The following ERBIN variants were observed in gnomAD, a reference collection of about 807,000 sequenced individuals.
ERBIN encodes the protein erbb2 interacting protein.
ERBIN carries 60 observed loss-of-function variants against 158.4 expected under a neutral mutation model. The ratio of observed to expected loss-of-function variants is 0.38; its 90% CI spans 0.31 to 0.47. ERBIN has a LOEUF of 0.47. Ranked by LOEUF, ERBIN falls within the 20% of genes least tolerant of loss-of-function variation. The pLI, the probability that ERBIN is intolerant of heterozygous loss-of-function variation, is 0.99. For missense variants in ERBIN, 1,610 were observed against 1,648.0 expected (o/e 0.98, Z 0.40); for synonymous variants, 594 against 557.2 (o/e 1.07, Z -0.93).
chr5:66,054,999 T>C (rs1426867275), intron 21 of ERBIN, 48 bp downstream of exon 21: 2 of 1,485,112 alleles, frequency 1.3e-6, no homozygotes, highest in South Asian at 1.4e-5. Flanking sequence ...ACTTAATTAT[T>C]TTCCTTAAAA....
intron 8 of ERBIN, 23 bp from the exon 9 acceptor site, chr5:66,023,267 A>G (rs1326245351): frequency 1.3e-6 from 2 of 1,578,302 alleles, no homozygotes; most frequent in Non-Finnish European, 8.7e-7. Context: ...AATTACTGCT[A>G]TCCCCTACCC....
At chr5:65,976,457 A>G (rs1452008695) in intron 1 of ERBIN, among the ~76,000 whole-genome samples, 1 of 152,082 alleles carries the variant, frequency 6.6e-6, no homozygotes, top group Non-Finnish European at 1.5e-5. Flanking sequence ...TGGGTGACAG[A>G]ATGAGACTGT....
rs565947820 is a variant in ERBIN, at chr5:66,078,566, A to G, written c.*36A>G. On this transcript the variant is annotated 3_prime_UTR_variant, in exon 26 of 26. Coordinates refer to ENST00000284037, the MANE Select transcript of ERBIN (RefSeq NM_001253697.2). ...CAAAAAAAGCGGGGAAGACAGCAAGATTTATTGGAAGATACTTACAGGGGA... is the reference window on the plus strand; with the variant it reads ...CAAAAAAAGCGGGGAAGACAGCAAGGTTTATTGGAAGATACTTACAGGGGA... 3.0e-5 allele frequency: 37 copies of G among 1,228,706 alleles called. 1 individual carries two copies. In the South Asian group the frequency reaches 4.3e-4, roughly 14 times the overall value. The allele number at this position is 1,228,706 out of a possible 1,614,324, so 76.1% of individuals were successfully genotyped here.
At chr5:65,964,207 C>G (rs566087737) in intron 1 of ERBIN, among the ~76,000 whole-genome samples, 2 of 152,322 alleles carry the variant, frequency 1.3e-5, no homozygotes, top group Admixed American at 1.3e-4. Context: ...TGAAATATAA[C>G]TAATTAAGCA....
intron 1 of ERBIN, among the ~76,000 whole-genome samples, chr5:65,953,208 C>T (rs1461071859): frequency 6.6e-6 from 1 of 152,182 alleles, no homozygotes; most frequent in Non-Finnish European, 1.5e-5. Context: ...CCTCTGCATA[C>T]AGTTGACTCT....
At position 65,972,936 on chromosome 5, in the gene ERBIN, A is replaced by G. The variant is rs1015383324; in HGVS notation, c.-57-15699A>G. ...AACCTGACCTCTCATTGTTTTGCCA[A>G]TTCCTACGTTTTTTTCGGTTTCCTT... On this transcript the variant is annotated intron_variant, in intron 1 of 25. Transcript: ENST00000284037. Among the ~76,000 whole-genome samples the G allele has an allele frequency of 2.0e-5, 3 of 151,396 alleles. 1 individual carries two copies. The highest frequency in any genetic ancestry group is 7.4e-5 in the African/African-American group (3 of 40,724).
intron 4 of ERBIN, among the ~76,000 whole-genome samples, chr5:66,005,633 T>G (rs1753502513): frequency 6.6e-6 from 1 of 152,186 alleles, no homozygotes; most frequent in Admixed American, 6.5e-5. Flanking sequence ...ATGACATGAT[T>G]GTATATCTGG....
intron 21 of ERBIN, among the ~76,000 whole-genome samples, chr5:66,056,865 T>C (rs980875116): frequency 7.9e-5 from 12 of 152,144 alleles, no homozygotes; most frequent in Admixed American, 2.6e-4. Flanking sequence ...AGCTCATCAG[T>C]TGGGAAGCAT....
At chr5:66,044,411 C>A in intron 17 of ERBIN, 101 bp downstream of exon 17, 1 of 1,044,196 alleles carries the variant, frequency 9.6e-7, no homozygotes, top group Non-Finnish European at 1.4e-6. Context: ...AATGTGCAGT[C>A]ATGCACCACA....
At chr5:65,953,423 C>T (rs1232061300) in intron 1 of ERBIN, among the ~76,000 whole-genome samples, 1 of 152,124 alleles carries the variant, frequency 6.6e-6, no homozygotes, top group Non-Finnish European at 1.5e-5. Context: ...AGACTCCTTG[C>T]TTCATGGGGA....
intron 1 of ERBIN, among the ~76,000 whole-genome samples, chr5:65,950,715 A>G (rs991541045): frequency 6.6e-6 from 1 of 152,110 alleles, no homozygotes; most frequent in African/African-American, 2.4e-5. Flanking sequence ...AAACCACCAT[A>G]TAGATATTTT....
chr5:66,009,061 AC>A (rs1753920753), intron 4 of ERBIN, among the ~76,000 whole-genome samples: 1 of 152,178 alleles, frequency 6.6e-6, no homozygotes, highest in Admixed American at 6.5e-5. Flanking sequence ...CCCTCTGCTT[AC>A]TCTGTAACTC....
chr5:65,967,816 A>T (rs1266939113), intron 1 of ERBIN, among the ~76,000 whole-genome samples: 1 of 152,246 alleles, frequency 6.6e-6, no homozygotes, highest in Non-Finnish European at 1.5e-5. Context: ...TCTGGGGCTC[A>T]TCTTGGCTTA....
rs548122645 is a variant in ERBIN, at chr5:66,079,558, C to T, written c.*1028C>T. 1 of 152,592 alleles carries T rather than the reference C, an allele frequency of 6.6e-6. No individual in the cohort carries two copies. Among genetic ancestry groups the T allele is most frequent in the South Asian group, 2.1e-4 (1 of 4,828 alleles). The allele number at this position is 152,592 out of a possible 1,614,324, so 9.5% of individuals were successfully genotyped here. A position where few individuals can be genotyped will look rare whatever the true frequency, so the allele number is the denominator to read the frequency against. On this transcript the variant is annotated 3_prime_UTR_variant, in exon 26 of 26. Coordinates refer to ENST00000284037, the MANE Select transcript of ERBIN (RefSeq NM_001253697.2). ...AAAGCCTCTTTGATTTTTGTTTGGC[C>T]TTGCATTGCCTTGGTAAAGTAAAAG...
chr5:66,072,308 A>G lies in ERBIN; in HGVS notation c.3756+17A>G. The G allele has an allele frequency of 6.5e-7, 1 of 1,549,448 alleles. No individual in the cohort carries two copies. The highest frequency in any genetic ancestry group is 1.4e-5 in the African/African-American group (1 of 73,108). ...TTGATGAAAGTGGGTGCTCGGGAAA[A>G]CAAAATGTAGTATCTGTGAGCTTTC... is the stretch of plus-strand genomic sequence containing the variant. On this transcript the variant is annotated intron_variant, in intron 22 of 25. Transcript: ENST00000284037.
intron 4 of ERBIN, among the ~76,000 whole-genome samples, chr5:66,005,622 G>C (rs1010169488): frequency 3.3e-5 from 5 of 152,172 alleles, no homozygotes; most frequent in South Asian, 2.1e-4. Flanking sequence ...CCTGTTTGCA[G>C]ATGACATGAT....
At chr5:66,038,521 T>TA (rs772409782) in intron 15 of ERBIN, 39 bp downstream of exon 15, 5 of 1,464,752 alleles carry the variant, frequency 3.4e-6, no homozygotes, top group Non-Finnish European at 4.7e-6. Context: ...TAAAAACAAA[T>TA]ACTAATTTAA....
chr5:65,942,236 C>G (rs1745143885), intron 1 of ERBIN, among the ~76,000 whole-genome samples: 2 of 152,166 alleles, frequency 1.3e-5, no homozygotes, highest in African/African-American at 4.8e-5. Context: ...GGTAATTTAG[C>G]TTATTAATGA....
intron 21 of ERBIN, among the ~76,000 whole-genome samples, chr5:66,069,941 C>T (rs187217831): frequency 7.2e-5 from 11 of 152,266 alleles, no homozygotes; most frequent in African/African-American, 2.2e-4. Flanking sequence ...CTGACCTAGA[C>T]GTATGCTGTC....
Sources: allele counts gnomAD v4.1 joint callset (sites outside exome capture counted in the v4.1 genomes callset), GRCh38; gene constraint gnomAD v4.1.1; transcripts MANE v1.5; gene names NCBI Gene and HGNC (gene_info 2026-07-23, HGNC 2026-07-21).